The following SMCO4 variants were observed in gnomAD, a reference collection of about 807,000 sequenced individuals.
SMCO4 encodes the protein single-pass membrane and coiled-coil domain-containing protein 4.
SMCO4 carries 4 observed loss-of-function variants against 3.6 expected under a neutral mutation model. The observed-to-expected ratio is 1.11, with a 90% confidence interval of 0.54 to 2.53. The LOEUF (loss-of-function observed/expected upper bound fraction) is 2.53. Ranked by LOEUF, SMCO4 falls within the 30% of genes most tolerant of loss-of-function variation. SMCO4 has a pLI of 0.02. For missense variants in SMCO4, 70 were observed against 80.8 expected, an observed-to-expected ratio of 0.87 and a Z score of 0.51; for synonymous variants, 36 against 35.3, an observed-to-expected ratio of 1.02 and a Z score of -0.07.
At chr11:93,523,046 G>GA (rs1949073290) in intron 1 of SMCO4, among the ~76,000 whole-genome samples, 1 of 152,144 alleles carries the variant, frequency 6.6e-6, no homozygotes, top group African/African-American at 2.4e-5. Flanking sequence ...GGTTCCTCTG[G>GA]AATTTCCCCT....
intron 1 of SMCO4, among the ~76,000 whole-genome samples, chr11:93,538,124 A>G (rs1449783071): frequency 6.6e-6 from 1 of 152,220 alleles, no homozygotes; most frequent in African/African-American, 2.4e-5. Flanking sequence ...AGTGCGTCCT[A>G]CCGATGACAG....
At chr11:93,480,755 C>T (rs1045665092) in intron 2 of SMCO4, among the ~76,000 whole-genome samples, 3 of 152,092 alleles carry the variant, frequency 2.0e-5, no homozygotes, top group Non-Finnish European at 2.9e-5. Context: ...CCTAAGTGAC[C>T]GAGGTGGTAG....
At chr11:93,517,255 T>C (rs1286868782) in intron 1 of SMCO4, among the ~76,000 whole-genome samples, 1 of 152,074 alleles carries the variant, frequency 6.6e-6, no homozygotes, top group Non-Finnish European at 1.5e-5. Flanking sequence ...AGCAGAGAGC[T>C]CAGGAAGGGA....
chr11:93,517,373 A>T (rs1353142524), intron 1 of SMCO4, among the ~76,000 whole-genome samples: 1 of 152,214 alleles, frequency 6.6e-6, no homozygotes. Context: ...GCTGTCTGGC[A>T]GGCACTATTC....
chr11:93,494,066 C>T (rs1315709535), intron 2 of SMCO4, among the ~76,000 whole-genome samples: 1 of 152,140 alleles, frequency 6.6e-6, no homozygotes, highest in African/African-American at 2.4e-5. Flanking sequence ...TTTGTCAAGC[C>T]TTAAGTAATG....
At chr11:93,517,661 T>C (rs2658768) in intron 1 of SMCO4, among the ~76,000 whole-genome samples, 120,225 of 152,142 alleles carry the variant, frequency 0.79, 47,894 homozygotes, top group African/African-American at 0.85. Flanking sequence ...GTACCAAGCA[T>C]TTTATATCCA....
At chr11:93,503,254 C>T (rs1565379531) in intron 1 of SMCO4, among the ~76,000 whole-genome samples, 1 of 152,198 alleles carries the variant, frequency 6.6e-6, no homozygotes, top group African/African-American at 2.4e-5. Flanking sequence ...AGGCAAAAGG[C>T]ATGTCTTACA....
chr11:93,483,986 A>G (rs1009345361), intron 2 of SMCO4, among the ~76,000 whole-genome samples: 1 of 152,212 alleles, frequency 6.6e-6, no homozygotes, highest in African/African-American at 2.4e-5. Context: ...CTCAGGCAGG[A>G]TGGAAGCTGC....
intron 2 of SMCO4, among the ~76,000 whole-genome samples, chr11:93,493,177 C>G (rs1948738254): frequency 6.6e-6 from 1 of 152,204 alleles, no homozygotes; most frequent in South Asian, 2.1e-4. Context: ...CTTTTGAGCA[C>G]TGAAGACAAG....
rs747223736 is a variant in SMCO4, at chr11:93,478,748, CACACAT to C, written c.*256_*261del. ...ACACACACACACACACACACACACA[CACACAT>C]GCGCGCGCGCTTTGAAGTCTGAAAG... On this transcript the variant is annotated 3_prime_UTR_variant, in exon 3 of 3. Coordinates refer to ENST00000298966, the MANE Select transcript of SMCO4 (RefSeq NM_020179.3). 4.8e-5 allele frequency: 36 copies of C among 750,422 alleles called. No individual in the cohort carries two copies. The highest frequency in any genetic ancestry group is 7.1e-5 in the South Asian group (2 of 28,108). 46.5% of individuals were successfully genotyped at this position (750,422 alleles called of 1,614,324 possible).
intron 2 of SMCO4, among the ~76,000 whole-genome samples, chr11:93,497,309 G>A (rs10831050): frequency 0.3 from 45,500 of 152,122 alleles, 7,030 homozygotes; most frequent in Non-Finnish European, 0.33. Context: ...AGAAGGAAGC[G>A]AAAGAACATC....
chr11:93,501,789 A>G (rs1021828135), intron 1 of SMCO4, among the ~76,000 whole-genome samples: 1 of 152,090 alleles, frequency 6.6e-6, no homozygotes, highest in Non-Finnish European at 1.5e-5. Flanking sequence ...GTATTGTTGA[A>G]TTTGTGCATG....
At chr11:93,514,422 A>ATATATATACAC (rs1948990819) in intron 1 of SMCO4, among the ~76,000 whole-genome samples, 1 of 103,898 alleles carries the variant, frequency 9.6e-6, no homozygotes, top group Non-Finnish European at 2.0e-5. Flanking sequence ...ATATATATAT[A>ATATATATACAC]AAATTTGGTC....
chr11:93,506,496 T>C (rs1298311328), intron 1 of SMCO4, among the ~76,000 whole-genome samples: 1 of 151,154 alleles, frequency 6.6e-6, no homozygotes, highest in South Asian at 2.1e-4. Context: ...TGGAGTACAG[T>C]GGCACGATCT....
At chr11:93,527,731 G>A (rs1403049579) in intron 1 of SMCO4, among the ~76,000 whole-genome samples, 1 of 152,190 alleles carries the variant, frequency 6.6e-6, no homozygotes, top group African/African-American at 2.4e-5. Flanking sequence ...AAAGGGCTGG[G>A]ATTATAGGCA....
intron 2 of SMCO4, among the ~76,000 whole-genome samples, chr11:93,482,997 T>C (rs1374570013): frequency 6.6e-6 from 1 of 151,872 alleles, no homozygotes; most frequent in African/African-American, 2.4e-5. Flanking sequence ...AAAGAAGAGG[T>C]CTCTGTAGGA....
intron 1 of SMCO4, among the ~76,000 whole-genome samples, chr11:93,526,693 C>T (rs1442765999): frequency 1.3e-5 from 2 of 152,204 alleles, no homozygotes; most frequent in Non-Finnish European, 2.9e-5. Flanking sequence ...ATCAGAGAAA[C>T]TTCCTTGAGA....
chr11:93,484,716 C>T (rs1948628680), intron 2 of SMCO4, among the ~76,000 whole-genome samples: 1 of 151,274 alleles, frequency 6.6e-6, no homozygotes, highest in Non-Finnish European at 1.5e-5. Context: ...ACCATATAAC[C>T]CATGCATGAC....
chr11:93,505,624 C>G (rs1209347312), intron 1 of SMCO4, among the ~76,000 whole-genome samples: 2 of 152,180 alleles, frequency 1.3e-5, no homozygotes, highest in African/African-American at 4.8e-5. Context: ...ATGCTACATT[C>G]TATAGCCTCC....
Sources: allele counts gnomAD v4.1 joint callset (sites outside exome capture counted in the v4.1 genomes callset), GRCh38; gene constraint gnomAD v4.1.1; transcripts MANE v1.5; gene names NCBI Gene and HGNC (gene_info 2026-07-23, HGNC 2026-07-21).